EML4: variants seen among roughly 807,000 people sequenced by gnomAD.
EML4 encodes the protein echinoderm microtubule-associated protein-like 4.
Under a neutral mutation model 129.0 loss-of-function variants are expected in EML4, and 72 were observed. The ratio of observed to expected loss-of-function variants is 0.56; its 90% CI spans 0.46 to 0.68. The LOEUF (loss-of-function observed/expected upper bound fraction) is 0.68. EML4 is among the 30% of genes least tolerant of loss of function. EML4 has a pLI of 0.00. For missense variants in EML4, 1,363 were observed against 1,190.6 expected (o/e 1.14, Z -2.13); for synonymous variants, 532 against 405.0 (o/e 1.31, Z -3.77).
At chr2:42,254,889 T>A (rs867232617) in intron 2 of EML4, among the ~76,000 whole-genome samples, 2 of 152,050 alleles carry the variant, frequency 1.3e-5, no homozygotes, top group South Asian at 4.1e-4. Context: ...ACAATCCAGA[T>A]GATCATCAAC....
chr2:42,181,481 G>A (rs978667283), intron 1 of EML4, among the ~76,000 whole-genome samples: 7 of 151,934 alleles, frequency 4.6e-5, no homozygotes, highest in East Asian at 1.9e-4. Context: ...TGTATTTTTC[G>A]TAGGGATGGG....
chr2:42,223,410 C>A (rs182793354), intron 1 of EML4, among the ~76,000 whole-genome samples: 8 of 152,234 alleles, frequency 5.3e-5, no homozygotes, highest in African/African-American at 1.9e-4. Flanking sequence ...TTGCAAGACC[C>A]TGTCAAGTAA....
intron 1 of EML4, among the ~76,000 whole-genome samples, chr2:42,242,789 G>A (rs2104283003): frequency 6.8e-6 from 1 of 147,876 alleles, no homozygotes; most frequent in East Asian, 2.0e-4. Flanking sequence ...CTTTCTGATA[G>A]GGTCTTCCTC....
At chr2:42,263,941 G>T (rs1665893163) in intron 5 of EML4, among the ~76,000 whole-genome samples, 1 of 151,788 alleles carries the variant, frequency 6.6e-6, no homozygotes, top group Non-Finnish European at 1.5e-5. Context: ...ACGTTAGCCA[G>T]GATGATCTCG....
At chr2:42,198,809 G>C (rs1472486496) in intron 1 of EML4, among the ~76,000 whole-genome samples, 1 of 152,158 alleles carries the variant, frequency 6.6e-6, no homozygotes, top group Non-Finnish European at 1.5e-5. Flanking sequence ...TTTTGTGGTG[G>C]TTTCTGTTGT....
chr2:42,198,506 C>G (rs181209427), intron 1 of EML4, among the ~76,000 whole-genome samples: 165 of 151,986 alleles, frequency 1.1e-3, no homozygotes, highest in African/African-American at 2.8e-3. Context: ...GGAGTTCAAG[C>G]CTGGTCTTAT....
intron 1 of EML4, among the ~76,000 whole-genome samples, chr2:42,178,767 T>A (rs919913077): frequency 1.3e-5 from 2 of 152,218 alleles, no homozygotes; most frequent in Non-Finnish European, 1.5e-5. Context: ...CAGGAAGCTG[T>A]CCCTGATTGG....
At chr2:42,310,349 C>CTTCCCTT (rs1668867362) in intron 17 of EML4, among the ~76,000 whole-genome samples, 1 of 151,560 alleles carries the variant, frequency 6.6e-6, no homozygotes, top group Non-Finnish European at 1.5e-5. Flanking sequence ...TCCCCTTCCC[C>CTTCCCTT]TTCCCTTTTC....
At chr2:42,281,119 C>T (rs1010444231) in intron 7 of EML4, 146 bp downstream of exon 7, 11 of 678,558 alleles carry the variant, frequency 1.6e-5, no homozygotes, top group African/African-American at 3.7e-5. Flanking sequence ...TCAGGCCAGG[C>T]GCGGTGGTTC....
chr2:42,230,783 A>G (rs559676645), intron 1 of EML4, among the ~76,000 whole-genome samples: 1 of 152,304 alleles, frequency 6.6e-6, no homozygotes, highest in South Asian at 2.1e-4. Flanking sequence ...TAGAAAGACA[A>G]ATATCTTCAC....
At chr2:42,274,536 A>G (rs1421555618) in intron 6 of EML4, among the ~76,000 whole-genome samples, 1 of 152,204 alleles carries the variant, frequency 6.6e-6, no homozygotes, top group Non-Finnish European at 1.5e-5. Flanking sequence ...GCCCAGAGCC[A>G]TCTCCCTTCT....
At chr2:42,173,272 G>A (rs1358244647) in intron 1 of EML4, among the ~76,000 whole-genome samples, 1 of 151,936 alleles carries the variant, frequency 6.6e-6, no homozygotes, top group Non-Finnish European at 1.5e-5. Flanking sequence ...TTATTTACAT[G>A]AAAATGTTTT....
intron 1 of EML4, among the ~76,000 whole-genome samples, chr2:42,179,965 A>T (rs1487518967): frequency 6.6e-6 from 1 of 152,190 alleles, no homozygotes; most frequent in Non-Finnish European, 1.5e-5. Flanking sequence ...CAGAGCATGC[A>T]TATGTGCATG....
At position 42,209,038 on chromosome 2, in the gene EML4, C is replaced by T. The variant is rs577072145; in HGVS notation, c.26-36467C>T. 6.6e-5 allele frequency among the ~76,000 whole-genome samples: 10 copies of T among 152,242 alleles called. No individual in the cohort carries two copies. The South Asian group carries it at 2.1e-3, about 32-fold the overall frequency. On this transcript the variant is annotated intron_variant, in intron 1 of 22. Coordinates refer to ENST00000318522, the MANE Select transcript of EML4 (RefSeq NM_019063.5). The stretch of plus-strand genomic sequence containing the variant: ...TATCCCCTAAGAGTCCATCGCTAGA[C>T]ACTAGAGTTTAGTCTTCCCTTTTTA...
At chr2:42,317,344 C>A in intron 18 of EML4, 83 bp from the exon 19 acceptor site, 1 of 901,506 alleles carries the variant, frequency 1.1e-6, no homozygotes, top group Non-Finnish European at 1.7e-6. Flanking sequence ...TGAGATTTAA[C>A]AGCATTTGTA....
chr2:42,226,043 A>G (rs915136992), intron 1 of EML4, among the ~76,000 whole-genome samples: 2 of 151,972 alleles, frequency 1.3e-5, no homozygotes, highest in African/African-American at 4.8e-5. Flanking sequence ...TGTGCAAAAA[A>G]TGTGTTACTC....
intron 6 of EML4, chr2:42,265,097 A>C: frequency 2.5e-6 from 2 of 801,418 alleles, no homozygotes; most frequent in East Asian, 2.7e-5. Flanking sequence ...GCTACATTTT[A>C]CTTTTTTTTT....
chr2:42,296,644 A>G (rs554719951), intron 13 of EML4, among the ~76,000 whole-genome samples: 4 of 152,266 alleles, frequency 2.6e-5, no homozygotes, highest in East Asian at 1.9e-4. Flanking sequence ...GGCATTTGCT[A>G]TTAGCTGTTT....
intron 6 of EML4, among the ~76,000 whole-genome samples, chr2:42,273,529 A>T (rs1666489073): frequency 1.3e-5 from 2 of 152,176 alleles, no homozygotes; most frequent in South Asian, 2.1e-4. Context: ...GGTGCACAAG[A>T]CATGGTTATG....
Sources: allele counts gnomAD v4.1 joint callset (sites outside exome capture counted in the v4.1 genomes callset), GRCh38; gene constraint gnomAD v4.1.1; transcripts MANE v1.5; gene names NCBI Gene and HGNC (gene_info 2026-07-23, HGNC 2026-07-21).